Variants in PCDHGB7 observed in about 807,000 individuals in gnomAD.
PCDHGB7 encodes protocadherin gamma-B7.
In PCDHGB7, 37 loss-of-function variants were observed where a neutral mutation model predicts 61.4. That is an observed-to-expected ratio of 0.60 (90% CI 0.46 to 0.79). The LOEUF (loss-of-function observed/expected upper bound fraction) is 0.79. PCDHGB7 is among the 30% of genes least tolerant of loss of function. The pLI is 0.00. For missense variants in PCDHGB7, 1,166 were observed against 1,202.5 expected (o/e 0.97, Z 0.45); for synonymous variants, 464 against 503.5 (o/e 0.92, Z 1.05).
chr5:141,434,509 T>C (rs1480014539), intron 1 of PCDHGB7, among the ~76,000 whole-genome samples: 3 of 152,232 alleles, frequency 2.0e-5, no homozygotes, highest in Non-Finnish European at 4.4e-5. Context: ...AGAAAACTGC[T>C]TAAAGGTGTT....
intron 1 of PCDHGB7, among the ~76,000 whole-genome samples, chr5:141,471,039 A>G (rs1175460270): frequency 7.2e-6 from 1 of 137,964 alleles, no homozygotes; most frequent in Non-Finnish European, 1.5e-5. Context: ...TAACAAGCCC[A>G]AGCCCTCTTT....
rs1181055959 is a variant in PCDHGB7 at position 141,418,419 on chromosome 5, A to G, written c.560A>G (p.Asp187Gly). 6.2e-7 allele frequency: 1 copy of G among 1,613,900 alleles called. No individual in the cohort carries two copies. The highest frequency in any genetic ancestry group is 8.5e-7 in the Non-Finnish European group (1 of 1,179,900). Residue 187 changes from aspartate to glycine, a missense_variant, in exon 1 of 4, where the codon GAT becomes GGT. Physicochemically the swap from Asp to Gly is moderately conservative, Grantham distance 94. Transcript: ENST00000398594. Reference protein sequence around the residue: ...YFSLVEKDNPDGGKYPELVLQ... With the variant: ...YFSLVEKDNPGGGKYPELVLQ... ...TCATTGGTGGAGAAAGACAATCCTG[A>G]TGGTGGCAAATATCCAGAATTAGTA...
chr5:141,421,031 T>A, intron 1 of PCDHGB7: 1 of 529,760 alleles, frequency 1.9e-6, no homozygotes, highest in Non-Finnish European at 3.3e-6. Context: ...CGCCATTGAG[T>A]CCCTCCCTCC....
chr5:141,505,614 A>G (rs2154593732), intron 3 of PCDHGB7, 133 bp downstream of exon 3: 1 of 1,510,758 alleles, frequency 6.6e-7, no homozygotes, highest in Non-Finnish European at 8.9e-7. Context: ...GTCTGAAAGG[A>G]CCCACAATTC....
At chr5:141,447,829 T>A (rs2098552664) in intron 1 of PCDHGB7, among the ~76,000 whole-genome samples, 1 of 152,214 alleles carries the variant, frequency 6.6e-6, no homozygotes. Context: ...CTCACGCCTG[T>A]AATCCCAGTG....
intron 1 of PCDHGB7, chr5:141,433,225 G>A: frequency 6.6e-7 from 1 of 1,517,048 alleles, no homozygotes; most frequent in Non-Finnish European, 9.0e-7. Flanking sequence ...TTTTTTAATT[G>A]CTCTGTCTCC....
In PCDHGB7 at chr5:141,486,042, G is replaced by A; in HGVS notation, c.2416-8765G>A. The A allele has an allele frequency of 6.2e-7, 1 of 1,614,180 alleles. No individual in the cohort carries two copies. The highest frequency in any genetic ancestry group is 8.5e-7 in the Non-Finnish European group (1 of 1,180,030). On this transcript the variant is annotated intron_variant, in intron 1 of 3. Coordinates refer to ENST00000398594, the MANE Select transcript of PCDHGB7 (RefSeq NM_018927.4). This position sits in a 1 kb window ranked among gnomAD's most constrained non-coding sequence, Gnocchi z 5.0. The stretch of plus-strand genomic sequence containing the variant: ...AGTGGTCATACCCCTGATCGTGTAA[G>A]AAACCTCTTTAGCCTGCACCCCACT...
chr5:141,418,621 C>T lies in PCDHGB7; in HGVS notation c.762C>T (p.Asp254=). The T allele has an allele frequency of 6.2e-7, 1 of 1,614,034 alleles. No homozygotes were observed. Among genetic ancestry groups the T allele is most frequent in the Non-Finnish European group, 8.5e-7 (1 of 1,179,886 alleles). ...TGTACAGGGTTAGCCTTCGGGAAGA[C>T]GTGCCTCCAGGCACCTCCATCCTGA... is the stretch of plus-strand genomic sequence containing the variant. ...QDVYRVSLRE[D]VPPGTSILRV... Residue 254 remains aspartate (D), a synonymous_variant, in exon 1 of 4, where the codon GAC becomes GAT. Coordinates refer to ENST00000398594, the MANE Select transcript of PCDHGB7 (RefSeq NM_018927.4).
Position 141,431,335 on chromosome 5 carries a change from C to G in PCDHGB7, c.2415+11061C>G, listed in dbSNP as rs747132346. On this transcript the variant is annotated intron_variant, in intron 1 of 3. Transcript: ENST00000398594. The surrounding 1 kb of genome is among the most constrained non-coding windows in gnomAD (Gnocchi z 4.8). ...ATGGAGCCGACGGTAGTAAGTACCC[C>G]GAATTGGTGCTGAAACGCGCCCTGG... 2 of 1,614,062 alleles carry G rather than the reference C, an allele frequency of 1.2e-6. No homozygotes were observed. Among genetic ancestry groups the G allele is most frequent in the Non-Finnish European group, 1.7e-6 (2 of 1,180,022 alleles).
Position 141,505,473 on chromosome 5 carries a change from C to T in PCDHGB7, c.2555C>T (p.Ser852Phe). The change falls in exon 3 of 4, where the codon TCC (serine) becomes TTC (phenylalanine). Residue 852 changes from serine to phenylalanine, a missense_variant. Transcript: ENST00000398594. Reference sequence around the variant, plus strand: ...ATGCTGCAAGCCATGATCTTGGCGTCCGCCAGTGGTAAGTGGTGTCAGTGT... The same window carrying T: ...ATGCTGCAAGCCATGATCTTGGCGTTCGCCAGTGGTAAGTGGTGTCAGTGT... ...TEMLQAMILA[S>F]ASEAADGSST... is the part of the protein sequence containing the mutation. The T allele has an allele frequency of 6.2e-7, 1 of 1,614,188 alleles. No homozygotes were observed. Among genetic ancestry groups the T allele is most frequent in the Non-Finnish European group, 8.5e-7 (1 of 1,180,014 alleles).
Position 141,489,560 on chromosome 5 carries a change from A to C in PCDHGB7, c.2416-5247A>C, listed in dbSNP as rs749076412. On this transcript the variant is annotated intron_variant, in intron 1 of 3. Coordinates refer to ENST00000398594, the MANE Select transcript of PCDHGB7 (RefSeq NM_018927.4). This position sits in a 1 kb window ranked among gnomAD's most constrained non-coding sequence, Gnocchi z 4.5. Reference sequence around the variant, plus strand: ...AGCACCAGCTGCCTGCTGCCAGTGCAGGTGGTGACTGAACACCCCCTGGAG... The same window carrying C: ...AGCACCAGCTGCCTGCTGCCAGTGCCGGTGGTGACTGAACACCCCCTGGAG... 2 of 1,614,142 alleles carry C rather than the reference A, an allele frequency of 1.2e-6. No individual in the cohort carries two copies. Among genetic ancestry groups the C allele is most frequent in the Admixed American group, 3.3e-5 (2 of 60,024 alleles).
intron 2 of PCDHGB7, 76 bp from the exon 3 acceptor site, chr5:141,505,317 G>T: frequency 6.2e-7 from 1 of 1,603,092 alleles, no homozygotes. Flanking sequence ...AGGTTTGGGA[G>T]CCCTGGGAGA....
At chr5:141,470,034 C>T (rs1209263598) in intron 1 of PCDHGB7, among the ~76,000 whole-genome samples, 2 of 152,086 alleles carry the variant, frequency 1.3e-5, no homozygotes, top group Non-Finnish European at 2.9e-5. Flanking sequence ...GATGCTGAGG[C>T]GCGAGAACTG....
intron 2 of PCDHGB7, among the ~76,000 whole-genome samples, chr5:141,496,180 GC>G (rs1054381604): frequency 1.4e-4 from 21 of 151,922 alleles, no homozygotes; most frequent in Non-Finnish European, 2.9e-4. Flanking sequence ...CATCCAAGCA[GC>G]CCCAGCTGCT....
Position 141,490,027 on chromosome 5 carries a change from CG to C in PCDHGB7, c.2416-4779del. The C allele has an allele frequency of 6.2e-7, 1 of 1,614,214 alleles. No individual in the cohort carries two copies. Among genetic ancestry groups the C allele is most frequent in the Admixed American group, 1.7e-5 (1 of 60,032 alleles). On this transcript the variant is annotated intron_variant, in intron 1 of 3. Transcript: ENST00000398594. The surrounding 1 kb of genome is among the most constrained non-coding windows in gnomAD (Gnocchi z 5.4). Reference sequence around the variant, plus strand: ...TGCACCCATTGGTACTCTGCTGCTCCGCCTCAATGCCACTGATCCAGACGAG... The same window carrying C: ...TGCACCCATTGGTACTCTGCTGCTCCCCTCAATGCCACTGATCCAGACGAG...
chr5:141,491,528 C>T lies in PCDHGB7; in HGVS notation c.2416-3279C>T, dbSNP rs745806026. ...GGCACGCTCAAGTACATGGAGGTGACGCTGCGGCCCACAGACTCGCAGAGC... is the reference window on the plus strand; with the variant it reads ...GGCACGCTCAAGTACATGGAGGTGATGCTGCGGCCCACAGACTCGCAGAGC... On this transcript the variant is annotated intron_variant, in intron 1 of 3. Coordinates refer to ENST00000398594, the MANE Select transcript of PCDHGB7 (RefSeq NM_018927.4). The surrounding 1 kb of genome is among the most constrained non-coding windows in gnomAD (Gnocchi z 6.9). 4 of 1,613,950 alleles carry T rather than the reference C, an allele frequency of 2.5e-6. No individual in the cohort carries two copies. Among genetic ancestry groups the T allele is most frequent in the South Asian group, 1.1e-5 (1 of 91,092 alleles).
rs1193417991 is a variant in PCDHGB7 at position 141,491,413 on chromosome 5, G to T, written c.2416-3394G>T. The T allele has an allele frequency of 6.2e-7, 1 of 1,614,064 alleles. No individual in the cohort carries two copies. Among genetic ancestry groups the T allele is most frequent in the South Asian group, 1.1e-5 (1 of 91,074 alleles). ...CCTTCAGGGAAACGCAGACGGGGAC[G>T]GGGGTGGAGGGCAGTGCTGCAGGCG... On this transcript the variant is annotated intron_variant, in intron 1 of 3. Transcript: ENST00000398594. This position sits in a 1 kb window ranked among gnomAD's most constrained non-coding sequence, Gnocchi z 6.9.
chr5:141,493,784 T>A lies in PCDHGB7; in HGVS notation c.2416-1023T>A, dbSNP rs1368708028. ...AGCCACTGGCAGTTCCGGAGCTTCC[T>A]TCTCCCTGGAGTAATCTGAGATACT... On this transcript the variant is annotated intron_variant, in intron 1 of 3. Coordinates refer to ENST00000398594, the MANE Select transcript of PCDHGB7 (RefSeq NM_018927.4). This position sits in a 1 kb window ranked among gnomAD's most constrained non-coding sequence, Gnocchi z 4.3. 1.3e-5 allele frequency among the ~76,000 whole-genome samples: 2 copies of A among 152,194 alleles called. No individual in the cohort carries two copies. Among genetic ancestry groups the A allele is most frequent in the Non-Finnish European group, 2.9e-5 (2 of 68,032 alleles).
rs376494807 is a variant in PCDHGB7 at position 141,491,836 on chromosome 5, G to A, written c.2416-2971G>A. 4.2e-5 allele frequency: 62 copies of A among 1,472,880 alleles called. No homozygotes were observed. The highest frequency in any genetic ancestry group is 3.6e-4 in the Middle Eastern group (2 of 5,606). 91.2% of individuals were successfully genotyped at this position (1,472,880 alleles called of 1,614,324 possible). A position where few individuals can be genotyped will look rare whatever the true frequency, so the allele number is the denominator to read the frequency against. On this transcript the variant is annotated intron_variant, in intron 1 of 3. Coordinates refer to ENST00000398594, the MANE Select transcript of PCDHGB7 (RefSeq NM_018927.4). This position sits in a 1 kb window ranked among gnomAD's most constrained non-coding sequence, Gnocchi z 6.9. ...CTGGCTGCGCTCCACCCGATTCTCG[G>A]GATCATTGGACCGTTTGCGCGAAAC...
Sources: allele counts gnomAD v4.1 joint callset (sites outside exome capture counted in the v4.1 genomes callset), GRCh38; gene constraint gnomAD v4.1.1; non-coding constraint Gnocchi (gnomAD v3.1); transcripts MANE v1.5; gene names NCBI Gene and HGNC (gene_info 2026-07-23, HGNC 2026-07-21).